The following KIAA0513 variants were observed in gnomAD, a reference collection of about 807,000 sequenced individuals.
KIAA0513 encodes KIAA0513, also known as uncharacterized protein KIAA0513.
A neutral mutation model predicts 56.5 loss-of-function variants in KIAA0513; 39 were observed. The ratio of observed to expected loss-of-function variants is 0.69; its 90% CI spans 0.53 to 0.90. The LOEUF (loss-of-function observed/expected upper bound fraction) is 0.90. Among genes scored for constraint, KIAA0513 ranks in the 40% least tolerant of loss-of-function variants. The pLI, the probability that KIAA0513 is intolerant of heterozygous loss-of-function variation, is 0.00. For synonymous variants in KIAA0513, 268 were observed against 215.6 expected (o/e 1.24, Z -2.13); for missense variants, 591 against 535.2 (o/e 1.10, Z -1.03).
In KIAA0513 at chr16:85,093,326, G is replaced by C. The variant is rs1049214691; in HGVS notation, c.*5001G>C. On this transcript the variant is annotated 3_prime_UTR_variant, in exon 13 of 13. Transcript: ENST00000683363. ...ATTCACCATATCCAAGGGGAGAGACGATGGGCTGGGTTTGTTTACTCCAAC... is the reference window on the plus strand; with the variant it reads ...ATTCACCATATCCAAGGGGAGAGACCATGGGCTGGGTTTGTTTACTCCAAC... 1 of 152,202 alleles carries C rather than the reference G, an allele frequency of 6.6e-6. No individual in the cohort carries two copies. The highest frequency in any genetic ancestry group is 1.5e-5 in the Non-Finnish European group (1 of 68,024). The allele number at this position is 152,202 out of a possible 1,614,324, so 9.4% of individuals were successfully genotyped here.
In KIAA0513 at chr16:85,081,426, GA is replaced by G; in HGVS notation, c.980+39del. The G allele has an allele frequency of 6.6e-7, 1 of 1,526,616 alleles. No homozygotes were observed. Among genetic ancestry groups the G allele is most frequent in the Non-Finnish European group, 8.9e-7 (1 of 1,123,764 alleles). 94.6% of individuals were successfully genotyped at this position (1,526,616 alleles called of 1,614,324 possible). ...AAAGTGTGGCCCCATTTGGCCTCAG[GA>G]AAAAGGACCAGGGAGTGGCTTTATT... On this transcript the variant is annotated intron_variant, in intron 9 of 12. Transcript: ENST00000683363. The surrounding 1 kb of genome is among the most constrained non-coding windows in gnomAD (Gnocchi z 4.4).
intron 1 of KIAA0513, among the ~76,000 whole-genome samples, chr16:85,058,499 A>G (rs926228302): frequency 1.3e-5 from 2 of 152,126 alleles, no homozygotes; most frequent in Non-Finnish European, 2.9e-5. Flanking sequence ...CTAAAAGTAC[A>G]AAATTAGCCG....
At chr16:85,074,151 T>G (rs181167956) in intron 4 of KIAA0513, among the ~76,000 whole-genome samples, 7 of 151,934 alleles carry the variant, frequency 4.6e-5, no homozygotes, top group Non-Finnish European at 8.8e-5. Context: ...ATTTTTGTAT[T>G]TTTAGTAGAG....
At chr16:85,086,356 C>T (rs2073807768) in intron 10 of KIAA0513, among the ~76,000 whole-genome samples, 1 of 152,250 alleles carries the variant, frequency 6.6e-6, no homozygotes. Flanking sequence ...GCCTGGATAG[C>T]CGCGTGGTGC....
intron 4 of KIAA0513, among the ~76,000 whole-genome samples, chr16:85,074,726 C>A (rs1005161415): frequency 6.6e-6 from 1 of 152,188 alleles, no homozygotes; most frequent in African/African-American, 2.4e-5. Context: ...GCCAAGAGGG[C>A]GGTGGTTTAA....
intron 1 of KIAA0513, among the ~76,000 whole-genome samples, chr16:85,033,824 G>T (rs1337448752): frequency 6.6e-6 from 1 of 152,134 alleles, no homozygotes. Context: ...ATGTGCAGAT[G>T]GTACCAAATT....
rs1567545807 is a variant in KIAA0513 at position 85,081,429 on chromosome 16, A to G, written c.980+37A>G. 8.6e-6 allele frequency: 13 copies of G among 1,519,984 alleles called. No homozygotes were observed. Among genetic ancestry groups the G allele is most frequent in the Non-Finnish European group, 9.8e-6 (11 of 1,117,942 alleles). 94.2% of individuals were successfully genotyped at this position (1,519,984 alleles called of 1,614,324 possible). ...GTGTGGCCCCATTTGGCCTCAGGAA[A>G]AAGGACCAGGGAGTGGCTTTATTTC... On this transcript the variant is annotated intron_variant, in intron 9 of 12. Coordinates refer to ENST00000683363, the MANE Select transcript of KIAA0513 (RefSeq NM_001388359.1). This position sits in a 1 kb window ranked among gnomAD's most constrained non-coding sequence, Gnocchi z 4.4.
At chr16:85,052,614 G>A (rs1326789149) in intron 1 of KIAA0513, among the ~76,000 whole-genome samples, 1 of 152,196 alleles carries the variant, frequency 6.6e-6, no homozygotes, top group Non-Finnish European at 1.5e-5. Context: ...ATTCTTGGAC[G>A]TGGCTAACCA....
chr16:85,038,076 C>T (rs990534131), intron 1 of KIAA0513, among the ~76,000 whole-genome samples: 2 of 152,222 alleles, frequency 1.3e-5, no homozygotes, highest in East Asian at 3.9e-4. Flanking sequence ...ACTTGGCCTG[C>T]AAGTCCCTGC....
chr16:85,052,561 G>C lies in KIAA0513; in HGVS notation c.-172-14339G>C, dbSNP rs919156423. ...AATCAATCAATCGATGCATCCTAATGGGTTTCTTTGGGCTTAAGGTTTCAG... is the reference window on the plus strand; with the variant it reads ...AATCAATCAATCGATGCATCCTAATCGGTTTCTTTGGGCTTAAGGTTTCAG... On this transcript the variant is annotated intron_variant, in intron 1 of 12. Coordinates refer to ENST00000683363, the MANE Select transcript of KIAA0513 (RefSeq NM_001388359.1). 3.9e-5 allele frequency among the ~76,000 whole-genome samples: 6 copies of C among 152,152 alleles called. 1 individual carries two copies. The highest frequency in any genetic ancestry group is 1.4e-4 in the African/African-American group (6 of 41,444).
intron 1 of KIAA0513, among the ~76,000 whole-genome samples, chr16:85,031,129 GC>G (rs2072958464): frequency 6.6e-6 from 1 of 152,164 alleles, no homozygotes; most frequent in African/African-American, 2.4e-5. Flanking sequence ...GATTTATTAA[GC>G]TCATTCTGTA....
In KIAA0513 at chr16:85,076,058, G is replaced by T; in HGVS notation, c.574+144G>T. The T allele has an allele frequency of 1.5e-6, 1 of 645,352 alleles. No homozygotes were observed. The highest frequency in any genetic ancestry group is 2.8e-6 in the Non-Finnish European group (1 of 359,092). The allele number at this position is 645,352 out of a possible 1,614,324, so 40.0% of individuals were successfully genotyped here. ...GGAAGCTGATGTTAGGGAGGAGTGA[G>T]ACTTCGGAGAAAACACAGTCCGAAT... On this transcript the variant is annotated intron_variant, in intron 5 of 12. Transcript: ENST00000683363. This position sits in a 1 kb window ranked among gnomAD's most constrained non-coding sequence, Gnocchi z 4.7.
chr16:85,029,604 A>G (rs2072935012), intron 1 of KIAA0513, among the ~76,000 whole-genome samples: 1 of 152,194 alleles, frequency 6.6e-6, no homozygotes, highest in Admixed American at 6.5e-5. Flanking sequence ...AAGGGGTGGG[A>G]TGAGTCATGC....
chr16:85,028,745 G>T (rs2072922849), intron 1 of KIAA0513, among the ~76,000 whole-genome samples: 1 of 152,036 alleles, frequency 6.6e-6, no homozygotes. Context: ...TTCCTCTCTA[G>T]GTAGGGGCCA....
intron 1 of KIAA0513, among the ~76,000 whole-genome samples, chr16:85,046,594 C>T (rs922440096): frequency 2.6e-5 from 4 of 152,210 alleles, no homozygotes; most frequent in African/African-American, 9.6e-5. Flanking sequence ...TGCCATCCTT[C>T]GAGGTCAGCT....
chr16:85,039,263 T>G (rs1191910447), intron 1 of KIAA0513, among the ~76,000 whole-genome samples: 10 of 152,210 alleles, frequency 6.6e-5, no homozygotes, highest in African/African-American at 2.4e-4. Flanking sequence ...AAACACTGTT[T>G]TATGTAGGGA....
At chr16:85,042,416 C>G (rs1286024676) in intron 1 of KIAA0513, among the ~76,000 whole-genome samples, 1 of 152,160 alleles carries the variant, frequency 6.6e-6, no homozygotes, top group African/African-American at 2.4e-5. Flanking sequence ...TATTCATCCC[C>G]CAGATGAGCA....
chr16:85,053,100 G>C (rs1379603841), intron 1 of KIAA0513, among the ~76,000 whole-genome samples: 2 of 152,010 alleles, frequency 1.3e-5, no homozygotes, highest in African/African-American at 4.8e-5. Context: ...TGTTGGCCAG[G>C]CTGGTCTCGA....
chr16:85,077,714 G>C (rs1472623415), intron 6 of KIAA0513, 82 bp downstream of exon 6: 2 of 1,032,238 alleles, frequency 1.9e-6, no homozygotes, highest in South Asian at 3.2e-5. Context: ...GCAGCAGGGA[G>C]GGTGCGGGTG....
Sources: allele counts gnomAD v4.1 joint callset (sites outside exome capture counted in the v4.1 genomes callset), GRCh38; gene constraint gnomAD v4.1.1; non-coding constraint Gnocchi (gnomAD v3.1); transcripts MANE v1.5; gene names NCBI Gene and HGNC (gene_info 2026-07-23, HGNC 2026-07-21).